The following HS3ST3B1 variants were observed in gnomAD, a reference collection of about 807,000 sequenced individuals.
HS3ST3B1 encodes the protein heparan sulfate-glucosamine 3-sulfotransferase 3B1, also known as heparan sulfate glucosamine 3-O-sulfotransferase 3B1.
In HS3ST3B1, 13 loss-of-function variants were observed where a neutral mutation model predicts 21.3. The ratio of observed to expected loss-of-function variants is 0.61; its 90% CI spans 0.40 to 0.97. The LOEUF (loss-of-function observed/expected upper bound fraction) is 0.97, where lower values mean the gene tolerates loss of function less well. Ranked by LOEUF, HS3ST3B1 falls within the 50% of genes least tolerant of loss-of-function variation. The pLI is 0.00. For synonymous variants in HS3ST3B1, 234 were observed against 254.8 expected, an observed-to-expected ratio of 0.92 and a Z score of 0.78; for missense variants, 459 against 554.8, an observed-to-expected ratio of 0.83 and a Z score of 1.73.
rs2142320682 is a variant in HS3ST3B1 at position 14,303,478 on chromosome 17, A to C, written c.554+1406A>C. ...GTCTCGAGGTTTAGCCAACCGTGAC[A>C]GTCATCTTTCCCACCGTTCCCGGGC... On this transcript the variant is annotated intron_variant, in intron 1 of 1. Transcript: ENST00000360954. The surrounding 1 kb of genome is among the most constrained non-coding windows in gnomAD (Gnocchi z 5.7). 6.6e-6 allele frequency among the ~76,000 whole-genome samples: 1 copy of C among 152,234 alleles called. No individual in the cohort carries two copies. The highest frequency in any genetic ancestry group is 2.1e-4 in the South Asian group (1 of 4,828).
chr17:14,330,857 C>G (rs1290004706), intron 1 of HS3ST3B1, among the ~76,000 whole-genome samples: 2 of 151,978 alleles, frequency 1.3e-5, no homozygotes, highest in Non-Finnish European at 2.9e-5. Flanking sequence ...GGAGCCCCAC[C>G]GACCCAGAAA....
intron 1 of HS3ST3B1, among the ~76,000 whole-genome samples, chr17:14,309,020 G>A (rs756023297): frequency 1.6e-4 from 24 of 152,236 alleles, no homozygotes; most frequent in Non-Finnish European, 2.8e-4. Flanking sequence ...GAGCTGGGGG[G>A]AGAGCCGCCC....
chr17:14,335,783 G>C (rs1331100800), intron 1 of HS3ST3B1, among the ~76,000 whole-genome samples: 1 of 152,182 alleles, frequency 6.6e-6, no homozygotes, highest in Non-Finnish European at 1.5e-5. Flanking sequence ...GTCAAAACAA[G>C]GATTTGGGCA....
chr17:14,336,525 T>C (rs548112171), intron 1 of HS3ST3B1, among the ~76,000 whole-genome samples: 120 of 152,094 alleles, frequency 7.9e-4, no homozygotes, highest in Admixed American at 2.7e-3. Context: ...CCAGCAAGAG[T>C]GGGGATGTTC....
In HS3ST3B1 at chr17:14,334,411, G is replaced by C. The variant is rs188795698; in HGVS notation, c.555-10617G>C. 2.1e-4 allele frequency among the ~76,000 whole-genome samples: 32 copies of C among 152,156 alleles called. 1 individual carries two copies. The highest frequency in any genetic ancestry group is 7.7e-4 in the African/African-American group (32 of 41,502). ...GGCTGTAGTGCAGTGAATGTTCAGA[G>C]GAGCAATTATAGCCAGTACAGCCTC... On this transcript the variant is annotated intron_variant, in intron 1 of 1. Transcript: ENST00000360954.
At chr17:14,323,010 A>T (rs1909705063) in intron 1 of HS3ST3B1, among the ~76,000 whole-genome samples, 2 of 147,108 alleles carry the variant, frequency 1.4e-5, no homozygotes, top group Admixed American at 7.0e-5. Flanking sequence ...GGTTCAAGCG[A>T]TTCTCCTGCC....
At chr17:14,307,998 A>G (rs1349310645) in intron 1 of HS3ST3B1, among the ~76,000 whole-genome samples, 1 of 152,226 alleles carries the variant, frequency 6.6e-6, no homozygotes. Flanking sequence ...CCTACCTCGA[A>G]TGAAAACATT....
chr17:14,321,728 C>T (rs934574404), intron 1 of HS3ST3B1, among the ~76,000 whole-genome samples: 1 of 151,818 alleles, frequency 6.6e-6, no homozygotes, highest in African/African-American at 2.4e-5. Flanking sequence ...GGCTAAAGTA[C>T]ATAAAACAGA....
At chr17:14,319,429 G>C (rs1233747185) in intron 1 of HS3ST3B1, among the ~76,000 whole-genome samples, 1 of 152,156 alleles carries the variant, frequency 6.6e-6, no homozygotes, top group Non-Finnish European at 1.5e-5. Context: ...AGGGAAGAGG[G>C]GGAGGAATCA....
intron 1 of HS3ST3B1, among the ~76,000 whole-genome samples, chr17:14,324,999 C>G (rs573004826): frequency 6.6e-6 from 1 of 152,272 alleles, no homozygotes; most frequent in Admixed American, 6.5e-5. Context: ...ATAAGGTGGA[C>G]CCAGGAATTG....
intron 1 of HS3ST3B1, among the ~76,000 whole-genome samples, chr17:14,312,099 A>T (rs1348498022): frequency 9.5e-6 from 1 of 105,598 alleles, no homozygotes; most frequent in African/African-American, 3.6e-5. Flanking sequence ...CAACTGTGTG[A>T]TTAAAAAAAA....
Position 14,302,057 on chromosome 17 carries a change from G to T in HS3ST3B1, c.539G>T (p.Gly180Val). The T allele has an allele frequency of 1.2e-6, 2 of 1,602,444 alleles. No individual in the cohort carries two copies. The highest frequency in any genetic ancestry group is 1.7e-6 in the Non-Finnish European group (2 of 1,178,326). ...TTCTTCGATCGCAGCTACGACAAGG[G>T]CCTCGCTTGGTACCGGTGAGTTTCC... ...PHFFDRSYDK[G>V]LAWYRDLMPR... Residue 180 changes from glycine (G) to valine (V), a missense_variant, in exon 1 of 2, where the codon GGC (glycine) becomes GTC (valine). By Grantham distance (109) the Gly-to-Val change is moderately radical (BLOSUM62 -3). Coordinates refer to ENST00000360954, the MANE Select transcript of HS3ST3B1 (RefSeq NM_006041.3).
At chr17:14,302,708 C>T (rs1450680354) in intron 1 of HS3ST3B1, among the ~76,000 whole-genome samples, 1 of 152,026 alleles carries the variant, frequency 6.6e-6, no homozygotes, top group African/African-American at 2.4e-5. Context: ...GGGCGGGCGG[C>T]GCGCGGAGCG....
At chr17:14,327,749 A>T (rs971059449) in intron 1 of HS3ST3B1, 1 of 152,072 alleles carries the variant, frequency 6.6e-6, no homozygotes, top group African/African-American at 2.4e-5. Context: ...TCTTTCATTC[A>T]TTTATTTGTT....
chr17:14,348,676 G>A lies in HS3ST3B1; in HGVS notation c.*3030G>A, dbSNP rs773054429. 2.0e-5 allele frequency: 3 copies of A among 152,108 alleles called. No homozygotes were observed. Among genetic ancestry groups the A allele is most frequent in the East Asian group, 1.9e-4 (1 of 5,190 alleles). The allele number at this position is 152,108 out of a possible 1,614,324, so 9.4% of individuals were successfully genotyped here. A position where few individuals can be genotyped will look rare whatever the true frequency, so the allele number is the denominator to read the frequency against. On this transcript the variant is annotated 3_prime_UTR_variant, in exon 2 of 2. Transcript: ENST00000360954. ...GTTTTGGACTTCCTCCGATTTACAC[G>A]AAAAGCTCTGATATTCATTGGAGTA...
intron 1 of HS3ST3B1, among the ~76,000 whole-genome samples, chr17:14,314,654 C>T (rs777955122): frequency 5.3e-5 from 8 of 152,152 alleles, no homozygotes; most frequent in Non-Finnish European, 7.4e-5. Context: ...TATAAAGGAT[C>T]AGACAGTACC....
chr17:14,323,498 T>A (rs1190498629), intron 1 of HS3ST3B1, among the ~76,000 whole-genome samples: 1 of 152,188 alleles, frequency 6.6e-6, no homozygotes, highest in Non-Finnish European at 1.5e-5. Context: ...TCATTTGGGG[T>A]ACATTTCTTA....
chr17:14,302,705 C>T (rs1333697603), intron 1 of HS3ST3B1, among the ~76,000 whole-genome samples: 1 of 152,006 alleles, frequency 6.6e-6, no homozygotes, highest in Non-Finnish European at 1.5e-5. Flanking sequence ...GGCGGGCGGG[C>T]GGCGCGCGGA....
intron 1 of HS3ST3B1, among the ~76,000 whole-genome samples, chr17:14,338,455 T>C (rs1158816403): frequency 6.6e-6 from 1 of 151,016 alleles, no homozygotes; most frequent in African/African-American, 2.5e-5. Flanking sequence ...GTTTGTTTGT[T>C]TTTTGAGATG....
Sources: allele counts gnomAD v4.1 joint callset (sites outside exome capture counted in the v4.1 genomes callset), GRCh38; gene constraint gnomAD v4.1.1; non-coding constraint Gnocchi (gnomAD v3.1); transcripts MANE v1.5; gene names NCBI Gene and HGNC (gene_info 2026-07-23, HGNC 2026-07-21).